ACSS3: variants seen among roughly 807,000 people sequenced by gnomAD.
ACSS3 encodes acyl-CoA synthetase short-chain family member 3, mitochondrial.
In ACSS3, 64 loss-of-function variants were observed where a neutral mutation model predicts 84.2. That is an observed-to-expected ratio of 0.76 (90% confidence interval 0.62 to 0.94). The LOEUF is 0.94. Among genes scored for constraint, ACSS3 ranks in the 40% least tolerant of loss-of-function variants. The pLI is 0.00. For missense variants in ACSS3, 815 were observed against 867.6 expected (o/e 0.94, Z 0.76); for synonymous variants, 317 against 310.1 (o/e 1.02, Z -0.23).
intron 11 of ACSS3, among the ~76,000 whole-genome samples, chr12:81,227,879 A>G (rs1280170340): frequency 6.6e-6 from 1 of 151,154 alleles, no homozygotes; most frequent in East Asian, 2.0e-4. Context: ...TATCTCTTTT[A>G]TTTCTTCCCC....
intron 7 of ACSS3, among the ~76,000 whole-genome samples, chr12:81,153,263 C>A (rs1886702520): frequency 6.6e-6 from 1 of 151,926 alleles, no homozygotes; most frequent in Admixed American, 6.6e-5. Context: ...CAAAAAATAG[C>A]CAGACCTGGT....
chr12:81,192,580 G>A (rs981313199), intron 8 of ACSS3, among the ~76,000 whole-genome samples: 1 of 152,120 alleles, frequency 6.6e-6, no homozygotes, highest in Non-Finnish European at 1.5e-5. Flanking sequence ...TTTCTTTCCA[G>A]TTTACCTCCA....
chr12:81,246,921 C>T (rs2034001997), intron 13 of ACSS3, among the ~76,000 whole-genome samples: 1 of 152,000 alleles, frequency 6.6e-6, no homozygotes, highest in Non-Finnish European at 1.5e-5. Context: ...TGCTTATGTA[C>T]CCCCGAATCT....
chr12:81,094,252 A>G (rs1206770245), intron 1 of ACSS3: 1 of 150,856 alleles, frequency 6.6e-6, no homozygotes, highest in Non-Finnish European at 1.5e-5. Flanking sequence ...GCAGATTTCA[A>G]TGTATATTAT....
chr12:81,177,636 A>G (rs550302237), intron 8 of ACSS3, among the ~76,000 whole-genome samples: 34 of 152,154 alleles, frequency 2.2e-4, no homozygotes, highest in Non-Finnish European at 4.4e-4. Flanking sequence ...CAACAACCCC[A>G]TCAAAAAGTG....
At chr12:81,184,249 A>G (rs1027011185) in intron 8 of ACSS3, among the ~76,000 whole-genome samples, 5 of 151,970 alleles carry the variant, frequency 3.3e-5, no homozygotes, top group African/African-American at 1.2e-4. Flanking sequence ...GCAAATGATA[A>G]TGGAAACACA....
At chr12:81,247,275 C>G (rs1262120834) in intron 13 of ACSS3, among the ~76,000 whole-genome samples, 3 of 152,054 alleles carry the variant, frequency 2.0e-5, no homozygotes, top group African/African-American at 7.2e-5. Context: ...CTCAGTCAAT[C>G]AAAATATGAA....
At chr12:81,150,468 G>T (rs1886556459) in intron 5 of ACSS3, among the ~76,000 whole-genome samples, 1 of 152,196 alleles carries the variant, frequency 6.6e-6, no homozygotes. Context: ...TGGACGATAG[G>T]ATAGGATACA....
At chr12:81,193,443 T>C (rs2031679458) in intron 8 of ACSS3, among the ~76,000 whole-genome samples, 1 of 152,090 alleles carries the variant, frequency 6.6e-6, no homozygotes, top group South Asian at 2.1e-4. Context: ...GACAGCATTA[T>C]CATTTTTCCA....
chr12:81,172,703 G>T (rs2030167776), intron 7 of ACSS3, among the ~76,000 whole-genome samples: 1 of 152,070 alleles, frequency 6.6e-6, no homozygotes, highest in African/African-American at 2.4e-5. Flanking sequence ...ATATGGTATA[G>T]GACTGTATTT....
intron 7 of ACSS3, among the ~76,000 whole-genome samples, chr12:81,163,139 CG>C (rs1170702361): frequency 6.6e-6 from 1 of 152,086 alleles, no homozygotes; most frequent in Non-Finnish European, 1.5e-5. Context: ...ATAGAATGAT[CG>C]GTATAGAAAT....
chr12:81,109,564 G>A lies in ACSS3; in HGVS notation c.316G>A (p.Val106Met), dbSNP rs1477418157. The A allele has an allele frequency of 1.9e-6, 3 of 1,603,792 alleles. No individual in the cohort carries two copies. Among genetic ancestry groups the A allele is most frequent in the Non-Finnish European group, 1.7e-6 (2 of 1,176,556 alleles). ...NKHSPSTRWFVEGMLNICYNA... is the reference protein window; with the variant it reads ...NKHSPSTRWFMEGMLNICYNA... ...TACTTTCCAATTATTTTTCAGGTTT[G>A]TGGAAGGAATGCTTAACATTTGTTA... Residue 106 changes from valine to methionine, a missense_variant, in exon 2 of 16, where the codon GTG (valine) becomes ATG (methionine). Coordinates refer to ENST00000548058, the MANE Select transcript of ACSS3 (RefSeq NM_024560.4).
intron 2 of ACSS3, among the ~76,000 whole-genome samples, chr12:81,122,828 C>T (rs571355763): frequency 1.3e-5 from 2 of 152,142 alleles, no homozygotes; most frequent in African/African-American, 4.8e-5. Context: ...TGTAATAAAG[C>T]TTTCTTCAGC....
chr12:81,162,298 C>T (rs1887191281), intron 7 of ACSS3, among the ~76,000 whole-genome samples: 1 of 152,142 alleles, frequency 6.6e-6, no homozygotes, highest in Non-Finnish European at 1.5e-5. Context: ...TATCTGGAGG[C>T]AGGTCATCCC....
chr12:81,097,731 A>G (rs761005389), intron 1 of ACSS3, among the ~76,000 whole-genome samples: 2 of 152,186 alleles, frequency 1.3e-5, no homozygotes, highest in Non-Finnish European at 2.9e-5. Flanking sequence ...TGAAATGTGT[A>G]TAAAATTACG....
At chr12:81,177,849 C>T (rs555093531) in intron 8 of ACSS3, among the ~76,000 whole-genome samples, 2 of 152,164 alleles carry the variant, frequency 1.3e-5, no homozygotes, top group East Asian at 1.9e-4. Flanking sequence ...AATAGGAACA[C>T]TTTTACACTG....
In ACSS3 at chr12:81,149,257, G is replaced by A. The variant is rs187394716; in HGVS notation, c.922-2587G>A. Among the ~76,000 whole-genome samples, 70 of 152,246 alleles carry A rather than the reference G, an allele frequency of 4.6e-4. No homozygotes were observed. The East Asian group carries it at 0.011, about 25-fold the overall frequency. On this transcript the variant is annotated intron_variant, in intron 5 of 15. Coordinates refer to ENST00000548058, the MANE Select transcript of ACSS3 (RefSeq NM_024560.4). ...TTACAACTAAATTTGCTTAGTTATA[G>A]TATAATGGTTTGTTTTCTGGAGCAT...
intron 2 of ACSS3, among the ~76,000 whole-genome samples, chr12:81,129,344 C>A (rs1157995667): frequency 1.3e-5 from 2 of 151,720 alleles, no homozygotes; most frequent in African/African-American, 4.8e-5. Context: ...AAAAAAAATG[C>A]AAGCTGTATG....
Position 81,255,066 on chromosome 12 carries a change from T to A in ACSS3, c.*144T>A. ...TTGTAAAACTTGGCCTAAACAAATC[T>A]AATGAAAACATGTGAAAGACCTGTG... On this transcript the variant is annotated 3_prime_UTR_variant, in exon 16 of 16. Transcript: ENST00000548058. 1 of 753,876 alleles carries A rather than the reference T, an allele frequency of 1.3e-6. No homozygotes were observed. The highest frequency in any genetic ancestry group is 2.0e-6 in the Non-Finnish European group (1 of 499,074). The allele number at this position is 753,876 out of a possible 1,614,324, so 46.7% of individuals were successfully genotyped here.
Sources: allele counts gnomAD v4.1 joint callset (sites outside exome capture counted in the v4.1 genomes callset), GRCh38; gene constraint gnomAD v4.1.1; transcripts MANE v1.5; gene names NCBI Gene and HGNC (gene_info 2026-07-23, HGNC 2026-07-21).